The following MAML2 variants were observed in gnomAD, a reference collection of about 807,000 sequenced individuals.
MAML2 encodes the protein mastermind-like protein 2.
A neutral mutation model predicts 96.1 loss-of-function variants in MAML2; 22 were observed. The ratio of observed to expected loss-of-function variants is 0.23; its 90% confidence interval spans 0.16 to 0.33. MAML2 has a LOEUF of 0.33. Among genes scored for constraint, MAML2 ranks in the 10% least tolerant of loss-of-function variants. The pLI, the probability that MAML2 is intolerant of heterozygous loss-of-function variation, is 1.00. For synonymous variants in MAML2, 561 were observed against 521.3 expected (o/e 1.08, Z -1.04); for missense variants, 1,367 against 1,392.4 (o/e 0.98, Z 0.29).
chr11:96,123,390 C>T (rs539448802), intron 1 of MAML2, among the ~76,000 whole-genome samples: 68 of 152,186 alleles, frequency 4.5e-4, no homozygotes, highest in African/African-American at 1.4e-3. Flanking sequence ...TGGAGTCCTC[C>T]GCAACTCATC....
intron 1 of MAML2, among the ~76,000 whole-genome samples, chr11:96,309,409 T>C (rs1863506847): frequency 6.6e-6 from 1 of 152,210 alleles, no homozygotes; most frequent in South Asian, 2.1e-4. Flanking sequence ...ATGGAATCTG[T>C]ACAGAGAACT....
chr11:96,322,068 T>C (rs1863710554), intron 1 of MAML2, among the ~76,000 whole-genome samples: 1 of 152,124 alleles, frequency 6.6e-6, no homozygotes, highest in South Asian at 2.1e-4. Context: ...TACAACGAAG[T>C]TAAAGGCTCT....
At chr11:95,991,496 G>C (rs1283516284) in intron 3 of MAML2, 24 bp downstream of exon 3, 1 of 1,609,844 alleles carries the variant, frequency 6.2e-7, no homozygotes, top group Non-Finnish European at 8.5e-7. Context: ...GGTTTGTTCA[G>C]TAGAAATTAA....
chr11:96,327,365 G>A (rs1863799571), intron 1 of MAML2, among the ~76,000 whole-genome samples: 1 of 152,042 alleles, frequency 6.6e-6, no homozygotes, highest in Non-Finnish European at 1.5e-5. Flanking sequence ...TCTGTAATTG[G>A]CAGGTTCTTG....
intron 1 of MAML2, among the ~76,000 whole-genome samples, chr11:96,178,989 G>A (rs555188387): frequency 1.4e-3 from 218 of 152,278 alleles, no homozygotes; most frequent in African/African-American, 5.2e-3. Flanking sequence ...TTGCAGTGCT[G>A]CAGGCTGTAC....
chr11:95,978,692 T>C lies in MAML2; in HGVS notation c.*256A>G. 1 of 440,704 alleles carries C rather than the reference T, an allele frequency of 2.3e-6. No homozygotes were observed. The highest frequency in any genetic ancestry group is 4.0e-6 in the Non-Finnish European group (1 of 249,732). 27.3% of individuals were successfully genotyped at this position (440,704 alleles called of 1,614,324 possible). A position where few individuals can be genotyped will look rare whatever the true frequency, so the allele number is the denominator to read the frequency against. ...TAATTACACATTGACACCACAGTTC[T>C]GTTTGGATAAATTGGATACTGTATC... is the stretch of plus-strand genomic sequence containing the variant. On this transcript the variant is annotated 3_prime_UTR_variant, in exon 5 of 5. Coordinates refer to ENST00000524717, the MANE Select transcript of MAML2 (RefSeq NM_032427.4).
At chr11:96,032,404 C>T (rs1390783641) in intron 2 of MAML2, among the ~76,000 whole-genome samples, 1 of 152,042 alleles carries the variant, frequency 6.6e-6, no homozygotes, top group Admixed American at 6.5e-5. Flanking sequence ...GCCTGACCAA[C>T]ATGGTGAAAC....
At chr11:96,054,205 TGTCA>T (rs1243753985) in intron 2 of MAML2, among the ~76,000 whole-genome samples, 1 of 152,194 alleles carries the variant, frequency 6.6e-6, no homozygotes, top group African/African-American at 2.4e-5. Flanking sequence ...CAGACTAACT[TGTCA>T]GTGTCCTGAT....
intron 1 of MAML2, among the ~76,000 whole-genome samples, chr11:96,176,955 G>A (rs936790278): frequency 2.0e-5 from 3 of 152,224 alleles, no homozygotes; most frequent in African/African-American, 4.8e-5. Context: ...CTAAAAATAC[G>A]GAGATAAAAA....
intron 1 of MAML2, among the ~76,000 whole-genome samples, chr11:96,119,843 C>T (rs1036582106): frequency 1.3e-5 from 2 of 152,230 alleles, no homozygotes; most frequent in African/African-American, 4.8e-5. Context: ...TTGTAGCTCT[C>T]CTCCTAACAG....
intron 1 of MAML2, among the ~76,000 whole-genome samples, chr11:96,122,768 GCCCA>G (rs1565221821): frequency 6.6e-6 from 1 of 152,124 alleles, no homozygotes; most frequent in East Asian, 1.9e-4. Context: ...TTCTTTACAT[GCCCA>G]GTCTCGTTCT....
intron 1 of MAML2, among the ~76,000 whole-genome samples, chr11:96,124,096 CAAAAAAAAAA>C (rs11464319): frequency 1.0e-4 from 10 of 96,364 alleles, no homozygotes; most frequent in South Asian, 8.0e-4. Flanking sequence ...AACTCTGTCT[CAAAAAAAAAA>C]AAAAAAAAAA....
chr11:96,017,048 A>C (rs1858364663), intron 2 of MAML2, among the ~76,000 whole-genome samples: 1 of 152,196 alleles, frequency 6.6e-6, no homozygotes, highest in Admixed American at 6.5e-5. Flanking sequence ...TAATAATAAT[A>C]ATACTCAACA....
intron 1 of MAML2, among the ~76,000 whole-genome samples, chr11:96,231,889 C>T (rs989551011): frequency 4.6e-5 from 7 of 152,158 alleles, no homozygotes; most frequent in Non-Finnish European, 7.4e-5. Context: ...CCTGACTAGT[C>T]GCTTTTGCCT....
intron 3 of MAML2, among the ~76,000 whole-genome samples, chr11:95,986,307 T>C (rs480834): frequency 0.48 from 72,581 of 151,686 alleles, 19,285 homozygotes; most frequent in African/African-American, 0.7. Context: ...CTGGTTCAAG[T>C]GATTCTCCTC....
chr11:96,008,234 G>C (rs115654477), intron 2 of MAML2, among the ~76,000 whole-genome samples: 2,966 of 28,056 alleles, frequency 0.11, 95 homozygotes, highest in African/African-American at 0.28. Flanking sequence ...TGGGTAGGTT[G>C]GTTGTATCGG....
At chr11:96,190,047 T>C (rs569402006) in intron 1 of MAML2, among the ~76,000 whole-genome samples, 2 of 152,358 alleles carry the variant, frequency 1.3e-5, no homozygotes, top group African/African-American at 4.8e-5. Context: ...ACTGAAAATT[T>C]GTTAAGAGGA....
intron 2 of MAML2, among the ~76,000 whole-genome samples, chr11:96,049,655 A>G (rs1300898135): frequency 1.3e-5 from 2 of 152,208 alleles, no homozygotes; most frequent in Non-Finnish European, 2.9e-5. Context: ...TAAGGCCAAT[A>G]ATACTTGGTG....
At chr11:96,095,336 C>A (rs915074549) in intron 1 of MAML2, among the ~76,000 whole-genome samples, 1 of 152,144 alleles carries the variant, frequency 6.6e-6, no homozygotes, top group Non-Finnish European at 1.5e-5. Context: ...ATATTTGTTT[C>A]AATCATCCCT....
Sources: gnomAD v4.1 joint callset for allele counts (sites outside exome capture counted in the v4.1 genomes callset) on GRCh38, gnomAD v4.1.1 for gene constraint, MANE v1.5 for transcripts, NCBI Gene and HGNC (gene_info 2026-07-23, HGNC 2026-07-21) for gene names.